Variants in PHACTR1 observed in about 807,000 individuals in gnomAD.
PHACTR1 encodes phosphatase and actin regulator 1.
In PHACTR1, 16 loss-of-function variants were observed where a neutral mutation model predicts 69.2. The ratio of observed to expected loss-of-function variants is 0.23; its 90% confidence interval spans 0.16 to 0.35. The LOEUF is 0.35. Among genes scored for constraint, PHACTR1 ranks in the 10% least tolerant of loss-of-function variants. PHACTR1 has a pLI of 1.00. For missense variants in PHACTR1, 510 were observed against 734.7 expected, an observed-to-expected ratio of 0.69 and a Z score of 3.54; for synonymous variants, 312 against 284.5, an observed-to-expected ratio of 1.10 and a Z score of -0.97.
intron 4 of PHACTR1, among the ~76,000 whole-genome samples, chr6:12,836,137 G>T (rs1778135466): frequency 6.6e-6 from 1 of 152,062 alleles, no homozygotes; most frequent in Non-Finnish European, 1.5e-5. Context: ...TCTGTAACCT[G>T]TAAGGAAGCC....
intron 8 of PHACTR1, among the ~76,000 whole-genome samples, chr6:13,210,280 T>C (rs11967582): frequency 0.12 from 18,500 of 152,114 alleles, 1,582 homozygotes; most frequent in Admixed American, 0.24. Flanking sequence ...CTCCCAAATT[T>C]CTGGCATTAC....
At chr6:13,230,382 T>C in intron 10 of PHACTR1, 189 bp downstream of exon 10, 3 of 1,352,630 alleles carry the variant, frequency 2.2e-6, no homozygotes, top group Non-Finnish European at 2.9e-6. Flanking sequence ...TGAAACCCCA[T>C]CTCTACTAAA....
intron 5 of PHACTR1, among the ~76,000 whole-genome samples, chr6:13,111,438 A>G (rs1288746701): frequency 1.3e-5 from 2 of 152,204 alleles, no homozygotes; most frequent in African/African-American, 4.8e-5. Context: ...TAAAATATGT[A>G]TGTGTTTTAT....
chr6:13,062,474 T>G (rs1807821654), intron 5 of PHACTR1, among the ~76,000 whole-genome samples: 1 of 152,190 alleles, frequency 6.6e-6, no homozygotes, highest in Non-Finnish European at 1.5e-5. Context: ...AACCGCTATG[T>G]CCCAGGAATC....
At position 12,889,935 on chromosome 6, in the gene PHACTR1, A is replaced by G. The variant is rs561901068; in HGVS notation, c.250+140145A>G. 2.0e-5 allele frequency among the ~76,000 whole-genome samples: 3 copies of G among 151,890 alleles called. No individual in the cohort carries two copies. The South Asian group carries it at 6.2e-4, about 32-fold the overall frequency. ...TACCTTCACTGCTACTACCTGGTCCAGGGCACCCTCAAATCACCTGTGTTC... is the reference window on the plus strand; with the variant it reads ...TACCTTCACTGCTACTACCTGGTCCGGGGCACCCTCAAATCACCTGTGTTC... On this transcript the variant is annotated intron_variant, in intron 4 of 14. Transcript: ENST00000332995.
rs545124113 is a variant in PHACTR1, at chr6:12,762,941, C to T, written c.250+13151C>T. On this transcript the variant is annotated intron_variant, in intron 4 of 14. Transcript: ENST00000332995. ...CATAGAACAGCAGTCAGGCTGGGTG[C>T]GATGACTCACGCCTGGAATCCCAGC... Among the ~76,000 whole-genome samples, 10 of 152,258 alleles carry T rather than the reference C, an allele frequency of 6.6e-5. No individual in the cohort carries two copies. The South Asian group carries it at 1.5e-3, about 22-fold the overall frequency.
At chr6:12,806,695 A>G (rs1480582127) in intron 4 of PHACTR1, among the ~76,000 whole-genome samples, 1 of 152,190 alleles carries the variant, frequency 6.6e-6, no homozygotes, top group East Asian at 1.9e-4. Flanking sequence ...CTAGAAAATT[A>G]TCTTTTATAC....
In PHACTR1 at chr6:13,155,814, G is replaced by C. The variant is rs941844515; in HGVS notation, c.416-4390G>C. ...GAGGCAGGAGAATCACTTGAACCCA[G>C]GAGGCAGAGGTTGGAGTGAGCCATG... is the stretch of plus-strand genomic sequence containing the variant. On this transcript the variant is annotated intron_variant, in intron 5 of 14. Coordinates refer to ENST00000332995, the MANE Select transcript of PHACTR1 (RefSeq NM_030948.6). 1.2e-4 allele frequency among the ~76,000 whole-genome samples: 18 copies of C among 152,168 alleles called. No individual in the cohort carries two copies. In the South Asian group the frequency reaches 2.7e-3, roughly 23 times the overall value.
Position 13,287,224 on chromosome 6 carries a change from A to C in PHACTR1, c.*146A>C. 1.1e-6 allele frequency: 1 copy of C among 890,758 alleles called. No homozygotes were observed. Among genetic ancestry groups the C allele is most frequent in the South Asian group, 1.8e-5 (1 of 56,490 alleles). The allele number at this position is 890,758 out of a possible 1,614,324, so 55.2% of individuals were successfully genotyped here. On this transcript the variant is annotated 3_prime_UTR_variant, in exon 15 of 15. Coordinates refer to ENST00000332995, the MANE Select transcript of PHACTR1 (RefSeq NM_030948.6). ...AAAAGAAGAAAAATCAAGGAAACACAATCAGGATTTTATGTGTGAAAACGC... is the reference window on the plus strand; with the variant it reads ...AAAAGAAGAAAAATCAAGGAAACACCATCAGGATTTTATGTGTGAAAACGC...
chr6:12,871,729 T>C (rs1782045860), intron 4 of PHACTR1, among the ~76,000 whole-genome samples: 1 of 152,228 alleles, frequency 6.6e-6, no homozygotes, highest in Admixed American at 6.5e-5. Flanking sequence ...GATCCATCCA[T>C]TCTGAAGTTC....
chr6:13,042,106 G>T (rs1246035547), intron 4 of PHACTR1, among the ~76,000 whole-genome samples: 2 of 152,176 alleles, frequency 1.3e-5, no homozygotes, highest in African/African-American at 2.4e-5. Context: ...GACCTTCTCA[G>T]AGCCATTAAA....
At chr6:12,935,699 A>G (rs1228301082) in intron 4 of PHACTR1, among the ~76,000 whole-genome samples, 1 of 152,090 alleles carries the variant, frequency 6.6e-6, no homozygotes, top group African/African-American at 2.4e-5. Flanking sequence ...GTAGGGGAGC[A>G]GTAACCTGGA....
intron 3 of PHACTR1, among the ~76,000 whole-genome samples, chr6:12,720,880 T>C (rs1762030200): frequency 6.6e-6 from 1 of 152,176 alleles, no homozygotes; most frequent in Non-Finnish European, 1.5e-5. Context: ...AACAGGAACA[T>C]TGTACTCAAC....
chr6:13,105,059 A>C (rs1336627900), intron 5 of PHACTR1, among the ~76,000 whole-genome samples: 1 of 152,198 alleles, frequency 6.6e-6, no homozygotes, highest in Non-Finnish European at 1.5e-5. Flanking sequence ...TAAATGTGGC[A>C]GTAATTCTCA....
chr6:12,874,321 T>A (rs1782336867), intron 4 of PHACTR1, among the ~76,000 whole-genome samples: 1 of 152,156 alleles, frequency 6.6e-6, no homozygotes, highest in Non-Finnish European at 1.5e-5. Flanking sequence ...GTAAGGGGCA[T>A]CTGAGAGTTG....
At chr6:13,008,192 CT>C (rs1034324822) in intron 4 of PHACTR1, among the ~76,000 whole-genome samples, 3 of 152,200 alleles carry the variant, frequency 2.0e-5, no homozygotes, top group Admixed American at 2.0e-4. Flanking sequence ...GCCAAAGGAA[CT>C]TTCGCTTTAG....
At chr6:13,239,503 C>T (rs1772500583) in intron 10 of PHACTR1, among the ~76,000 whole-genome samples, 2 of 151,946 alleles carry the variant, frequency 1.3e-5, no homozygotes, top group African/African-American at 2.4e-5. Context: ...ACCACATGTT[C>T]GCTGGGGCTT....
At chr6:12,891,321 C>T (rs1784152630) in intron 4 of PHACTR1, among the ~76,000 whole-genome samples, 1 of 151,962 alleles carries the variant, frequency 6.6e-6, no homozygotes, top group Non-Finnish European at 1.5e-5. Context: ...TAGTTTAATC[C>T]ATATCTTGTC....
chr6:12,959,203 A>AAGG (rs1792356573), intron 4 of PHACTR1, among the ~76,000 whole-genome samples: 2 of 75,994 alleles, frequency 2.6e-5, no homozygotes, highest in African/African-American at 2.1e-4. Context: ...AAAGAAAAGA[A>AAGG]AAAAAAAAGA....
Sources: gnomAD v4.1 joint callset for allele counts (sites outside exome capture counted in the v4.1 genomes callset) on GRCh38, gnomAD v4.1.1 for gene constraint, MANE v1.5 for transcripts, NCBI Gene and HGNC (gene_info 2026-07-23, HGNC 2026-07-21) for gene names.